Variants in STS observed in about 807,000 individuals in gnomAD.
The protein encoded by STS is steroid sulfatase, also known as steryl-sulfatase.
Under a neutral mutation model 26.8 loss-of-function variants are expected in STS, and 7 were observed. The ratio of observed to expected loss-of-function variants is 0.26; its 90% confidence interval spans 0.15 to 0.49. STS has a LOEUF of 0.49. Ranked by LOEUF, STS falls within the 20% of genes least tolerant of loss-of-function variation. STS has a pLI of 0.98. For synonymous variants in STS, 199 were observed against 189.4 expected, an observed-to-expected ratio of 1.05 and a Z score of -0.42; for missense variants, 434 against 465.6, an observed-to-expected ratio of 0.93 and a Z score of 0.63.
intron 1 of STS, among the ~76,000 whole-genome samples, chrX:7,182,499 T>C (rs1475498722): frequency 3.6e-5 from 4 of 110,234 alleles, no homozygotes; most frequent in Admixed American, 2.0e-4. Flanking sequence ...ACTCTGGTCC[T>C]TGTGCCTATA....
At chrX:7,168,227 T>C (rs1252584332) in intron 1 of STS, among the ~76,000 whole-genome samples, 4 of 110,935 alleles carry the variant, frequency 3.6e-5, no homozygotes, top group African/African-American at 1.3e-4. Context: ...AGTGCCTTTG[T>C]GTGAGTGCAC....
intron 7 of STS, 94 bp downstream of exon 7, chrX:7,276,181 CT>C (rs1381168193): frequency 1.8e-6 from 2 of 1,081,167 alleles, no homozygotes; most frequent in African/African-American, 1.8e-5. Context: ...TTCCTGATGC[CT>C]TTAGAGACAG....
intron 7 of STS, among the ~76,000 whole-genome samples, chrX:7,276,590 A>C (rs1924549551): frequency 8.9e-6 from 1 of 112,621 alleles, no homozygotes; most frequent in Non-Finnish European, 1.9e-5. Context: ...AAAAGAGACA[A>C]AACTTTAGTC....
chrX:7,183,860 T>C (rs1161282662), intron 1 of STS, among the ~76,000 whole-genome samples: 3 of 110,611 alleles, frequency 2.7e-5, no homozygotes, highest in Non-Finnish European at 5.7e-5. Flanking sequence ...AAATTAGCCA[T>C]GTGTGGTGGC....
intron 2 of STS, among the ~76,000 whole-genome samples, chrX:7,205,570 G>C (rs868223823): frequency 3.0e-5 from 3 of 99,233 alleles, no homozygotes; most frequent in Non-Finnish European, 4.0e-5. Flanking sequence ...CTGTAGGTTG[G>C]AAATTATTTG....
intron 7 of STS, among the ~76,000 whole-genome samples, chrX:7,304,384 C>T (rs1271260409): frequency 1.8e-5 from 2 of 110,849 alleles, no homozygotes; most frequent in Non-Finnish European, 3.8e-5. Flanking sequence ...GAGGGGTTAT[C>T]TGGAGGTGGT....
At chrX:7,167,909 G>A (rs1308419878) in intron 1 of STS, among the ~76,000 whole-genome samples, 1 of 108,904 alleles carries the variant, frequency 9.2e-6, no homozygotes, top group Non-Finnish European at 1.9e-5. Context: ...GTCCAGACTG[G>A]TCTCAAACTC....
At chrX:7,197,881 G>A (rs1232447761) in intron 2 of STS, among the ~76,000 whole-genome samples, 1 of 111,467 alleles carries the variant, frequency 9.0e-6, no homozygotes, top group Non-Finnish European at 1.9e-5. Context: ...GATGCACAGC[G>A]TGCCTTAGTA....
At chrX:7,252,348 A>G (rs1923180179) in intron 2 of STS, 1 of 716,041 alleles carries the variant, frequency 1.4e-6, no homozygotes, top group South Asian at 7.2e-5. Flanking sequence ...TTGAGTAAGT[A>G]AGACCTCAGG....
intron 2 of STS, among the ~76,000 whole-genome samples, chrX:7,217,832 AT>A (rs1426618698): frequency 2.1e-4 from 24 of 112,120 alleles, no homozygotes; most frequent in African/African-American, 7.8e-4. Flanking sequence ...TAATATGAAA[AT>A]ATATTATGTA....
chrX:7,341,803 T>A (rs1317644588), intron 10 of STS, among the ~76,000 whole-genome samples: 14 of 110,439 alleles, frequency 1.3e-4, no homozygotes, highest in East Asian at 2.8e-4. Context: ...TTTTTTTTTT[T>A]AAATTTATCC....
chrX:7,343,124 C>A, intron 10 of STS, among the ~76,000 whole-genome samples: 1 of 111,245 alleles, frequency 9.0e-6, no homozygotes, highest in Non-Finnish European at 1.9e-5. Context: ...GCTGCCAAGA[C>A]TGAAAACCCA....
intron 10 of STS, among the ~76,000 whole-genome samples, chrX:7,337,908 A>G (rs1161407475): frequency 8.9e-6 from 1 of 112,215 alleles, no homozygotes; most frequent in Non-Finnish European, 1.9e-5. Context: ...CAAACTCATG[A>G]AATACTGATT....
At chrX:7,343,639 T>C (rs776006256) in intron 10 of STS, among the ~76,000 whole-genome samples, 1 of 111,814 alleles carries the variant, frequency 8.9e-6, no homozygotes, top group East Asian at 2.8e-4. Flanking sequence ...GGGTTGAACC[T>C]AAACTATTGA....
intron 2 of STS, among the ~76,000 whole-genome samples, chrX:7,198,513 A>C (rs1401564566): frequency 9.0e-6 from 1 of 111,558 alleles, no homozygotes; most frequent in Non-Finnish European, 1.9e-5. Flanking sequence ...ATACTTTCTA[A>C]ACTTGTGGCG....
At chrX:7,255,344 A>C (rs1234042543) in intron 3 of STS, among the ~76,000 whole-genome samples, 1 of 112,235 alleles carries the variant, frequency 8.9e-6, no homozygotes, top group African/African-American at 3.2e-5. Context: ...CATTTGTGAT[A>C]TAGATCTTAT....
intron 1 of STS, among the ~76,000 whole-genome samples, chrX:7,162,575 GC>G (rs2146990224): frequency 9.1e-6 from 1 of 109,948 alleles, no homozygotes. Flanking sequence ...TGTCTATCCA[GC>G]GATTCCCCAC....
chrX:7,332,804 TTTCTTTTTCTTCCCCTCGTGG>T (rs1487352922), intron 9 of STS, among the ~76,000 whole-genome samples: 1 of 111,878 alleles, frequency 8.9e-6, no homozygotes, highest in Non-Finnish European at 1.9e-5. Flanking sequence ...CTCTACGGTG[TTTCTTTTTCTTCCCCTCGTGG>T]TTCACAGGAA....
At chrX:7,324,590 G>C (rs1286592643) in intron 8 of STS, among the ~76,000 whole-genome samples, 2 of 111,140 alleles carry the variant, frequency 1.8e-5, no homozygotes, top group African/African-American at 3.3e-5. Context: ...GTATCTTATG[G>C]CTACAAACAG....
Sources: allele counts gnomAD v4.1 joint callset (sites outside exome capture counted in the v4.1 genomes callset), GRCh38; gene constraint gnomAD v4.1.1; transcripts MANE v1.5; gene names NCBI Gene and HGNC (gene_info 2026-07-23, HGNC 2026-07-21).